Variants in KCNB2 observed in about 807,000 individuals in gnomAD.
The protein encoded by KCNB2 is delayed rectifier potassium channel protein.
A neutral mutation model predicts 61.5 loss-of-function variants in KCNB2; 15 were observed. The observed-to-expected ratio is 0.24, with a 90% confidence interval of 0.16 to 0.38. The LOEUF (loss-of-function observed/expected upper bound fraction) is 0.38, where lower values mean the gene tolerates loss of function less well. Among genes scored for constraint, KCNB2 ranks in the 10% least tolerant of loss-of-function variants. KCNB2 has a pLI of 1.00. For synonymous variants in KCNB2, 457 were observed against 446.0 expected, an observed-to-expected ratio of 1.02 and a Z score of -0.31; for missense variants, 828 against 1,125.2, an observed-to-expected ratio of 0.74 and a Z score of 3.78.
chr8:72,798,341 A>C (rs571612019), intron 2 of KCNB2, among the ~76,000 whole-genome samples: 2 of 152,204 alleles, frequency 1.3e-5, no homozygotes, highest in Non-Finnish European at 2.9e-5. Context: ...TGACACAAGC[A>C]TGAATGCCCT....
intron 2 of KCNB2, among the ~76,000 whole-genome samples, chr8:72,897,128 A>G (rs144864601): frequency 3.5e-4 from 54 of 152,146 alleles, no homozygotes; most frequent in Non-Finnish European, 6.0e-4. Flanking sequence ...TTTCCTGTGC[A>G]TGCCCCTATA....
chr8:72,912,573 T>C (rs1806319137), intron 2 of KCNB2, among the ~76,000 whole-genome samples: 1 of 150,714 alleles, frequency 6.6e-6, no homozygotes, highest in Non-Finnish European at 1.5e-5. Flanking sequence ...GTAAAAGATG[T>C]ATATAATCTA....
At chr8:72,928,170 G>C (rs1381715973) in intron 2 of KCNB2, among the ~76,000 whole-genome samples, 1 of 151,244 alleles carries the variant, frequency 6.6e-6, no homozygotes, top group Admixed American at 6.6e-5. Flanking sequence ...AGAAAAGTGA[G>C]GACTTCTTTC....
intron 2 of KCNB2, among the ~76,000 whole-genome samples, chr8:72,899,096 A>T (rs372569810): frequency 6.6e-6 from 1 of 152,172 alleles, no homozygotes; most frequent in East Asian, 1.9e-4. Context: ...ACATATGCAA[A>T]TCAATAAACG....
intron 1 of KCNB2, among the ~76,000 whole-genome samples, chr8:72,561,223 C>T (rs1419760647): frequency 6.6e-6 from 1 of 151,312 alleles, no homozygotes; most frequent in Non-Finnish European, 1.5e-5. Context: ...GTGGCACAAT[C>T]TCGGCTCATT....
chr8:72,796,438 G>A (rs942067878), intron 2 of KCNB2, among the ~76,000 whole-genome samples: 1 of 152,198 alleles, frequency 6.6e-6, no homozygotes, highest in Non-Finnish European at 1.5e-5. Flanking sequence ...TACAGCCAGC[G>A]ATTTGGTAAC....
At chr8:72,814,322 A>AT (rs1488662397) in intron 2 of KCNB2, among the ~76,000 whole-genome samples, 3 of 152,126 alleles carry the variant, frequency 2.0e-5, no homozygotes, top group Non-Finnish European at 4.4e-5. Flanking sequence ...CTTGTTCATG[A>AT]TTTTTTGTTA....
intron 2 of KCNB2, among the ~76,000 whole-genome samples, chr8:72,805,493 A>G (rs1809204797): frequency 6.6e-6 from 1 of 152,214 alleles, no homozygotes; most frequent in African/African-American, 2.4e-5. Context: ...GAAGAACATT[A>G]TCTTAGACTA....
intron 2 of KCNB2, among the ~76,000 whole-genome samples, chr8:72,930,482 C>T (rs373127143): frequency 5.9e-5 from 9 of 151,994 alleles, no homozygotes; most frequent in Non-Finnish European, 2.9e-5. Flanking sequence ...TTTTAATGAT[C>T]GCCATTCTAA....
At chr8:72,825,173 T>G (rs1034256859) in intron 2 of KCNB2, among the ~76,000 whole-genome samples, 6 of 152,228 alleles carry the variant, frequency 3.9e-5, no homozygotes, top group Non-Finnish European at 8.8e-5. Context: ...AGGAGTTATT[T>G]AGCTTAGCAT....
intron 2 of KCNB2, among the ~76,000 whole-genome samples, chr8:72,841,582 A>G (rs955255036): frequency 2.0e-5 from 3 of 151,822 alleles, no homozygotes; most frequent in Non-Finnish European, 2.9e-5. Flanking sequence ...ATGTTTTTCC[A>G]TTTGTTTGTG....
chr8:72,899,730 C>T (rs1448341092), intron 2 of KCNB2, among the ~76,000 whole-genome samples: 1 of 152,112 alleles, frequency 6.6e-6, no homozygotes, highest in African/African-American at 2.4e-5. Flanking sequence ...AATCAGAGAT[C>T]ACATAAATAA....
rs189557182 is a variant in KCNB2 at position 72,898,568 on chromosome 8, C to A, written c.580-37367C>A. 4.1e-4 allele frequency among the ~76,000 whole-genome samples: 63 copies of A among 152,268 alleles called. 1 individual carries two copies. The highest frequency in any genetic ancestry group is 1.5e-3 in the African/African-American group (62 of 41,546). ...CTTACCAAATGTATTGAAGTCAAGCCAGGGCCCTTATCAAACCAAGCCAGA... is the reference window on the plus strand; with the variant it reads ...CTTACCAAATGTATTGAAGTCAAGCAAGGGCCCTTATCAAACCAAGCCAGA... On this transcript the variant is annotated intron_variant, in intron 2 of 2. Transcript: ENST00000523207.
intron 2 of KCNB2, among the ~76,000 whole-genome samples, chr8:72,711,815 C>A: frequency 6.6e-6 from 1 of 152,148 alleles, no homozygotes; most frequent in Non-Finnish European, 1.5e-5. Context: ...TGATGAAACC[C>A]CATCTCTACT....
intron 2 of KCNB2, among the ~76,000 whole-genome samples, chr8:72,769,296 G>C (rs570422225): frequency 5.3e-5 from 8 of 152,090 alleles, no homozygotes; most frequent in Admixed American, 5.2e-4. Flanking sequence ...TCCTAGAGTA[G>C]TTTAAGAGCC....
At chr8:72,818,161 C>A (rs1319101458) in intron 2 of KCNB2, among the ~76,000 whole-genome samples, 1 of 151,970 alleles carries the variant, frequency 6.6e-6, no homozygotes, top group Non-Finnish European at 1.5e-5. Context: ...GGAAATTTAT[C>A]CTCCAACAAC....
chr8:72,584,660 A>G (rs1210238321), intron 2 of KCNB2, among the ~76,000 whole-genome samples: 1 of 152,206 alleles, frequency 6.6e-6, no homozygotes, highest in East Asian at 1.9e-4. Context: ...ATGTATCAGG[A>G]AAACCACAGC....
At chr8:72,708,724 AGTC>A (rs1807275475) in intron 2 of KCNB2, among the ~76,000 whole-genome samples, 1 of 152,184 alleles carries the variant, frequency 6.6e-6, no homozygotes, top group African/African-American at 2.4e-5. Context: ...GTTTTATGTC[AGTC>A]TTGTGGTTAA....
chr8:72,747,609 G>A (rs2128995265), intron 2 of KCNB2, among the ~76,000 whole-genome samples: 1 of 152,254 alleles, frequency 6.6e-6, no homozygotes, highest in African/African-American at 2.4e-5. Context: ...AGTCCATAGA[G>A]TAAAGTGAAA....
Sources: gnomAD v4.1 joint callset for allele counts (sites outside exome capture counted in the v4.1 genomes callset) on GRCh38, gnomAD v4.1.1 for gene constraint, MANE v1.5 for transcripts, NCBI Gene and HGNC (gene_info 2026-07-23, HGNC 2026-07-21) for gene names.